The following RXFP1 variants were observed in gnomAD, a reference collection of about 807,000 sequenced individuals.
The protein encoded by RXFP1 is relaxin family peptide receptor 1.
A neutral mutation model predicts 89.8 loss-of-function variants in RXFP1; 73 were observed. The observed-to-expected ratio is 0.81, with a 90% confidence interval of 0.67 to 0.99. The LOEUF is 0.99. Among genes scored for constraint, RXFP1 ranks in the 50% least tolerant of loss-of-function variants. RXFP1 has a pLI of 0.00. For missense variants in RXFP1, 793 were observed against 895.5 expected (o/e 0.89, Z 1.46); for synonymous variants, 277 against 305.5 (o/e 0.91, Z 0.97).
At chr4:158,546,918 G>T (rs929157403) in intron 1 of RXFP1, among the ~76,000 whole-genome samples, 32 of 151,864 alleles carry the variant, frequency 2.1e-4, no homozygotes, top group Admixed American at 5.9e-4. Context: ...CTCTTTTTTG[G>T]TTGTGTCTCT....
intron 1 of RXFP1, among the ~76,000 whole-genome samples, chr4:158,549,491 T>A (rs1749508254): frequency 6.6e-6 from 1 of 152,234 alleles, no homozygotes; most frequent in Non-Finnish European, 1.5e-5. Flanking sequence ...CCGTTGCTAG[T>A]GAGGAGCTGC....
intron 13 of RXFP1, 46 bp downstream of exon 13, chr4:158,638,125 T>A (rs1198353552): frequency 6.5e-6 from 7 of 1,073,820 alleles, no homozygotes; most frequent in African/African-American, 1.6e-5. Flanking sequence ...AATTGTTTTT[T>A]AAATACTAAC....
intron 15 of RXFP1, chr4:158,646,546 C>T: frequency 7.6e-7 from 1 of 1,315,474 alleles, no homozygotes. Context: ...GAGACTTGCA[C>T]TTTAAAGGAA....
rs1411454612 is a variant in RXFP1 at position 158,646,724 on chromosome 4, A to G, written c.1346-67A>G. 7 of 1,487,184 alleles carry G rather than the reference A, an allele frequency of 4.7e-6. No individual in the cohort carries two copies. In the East Asian group the frequency reaches 1.6e-4, roughly 34 times the overall value. The allele number at this position is 1,487,184 out of a possible 1,614,324, so 92.1% of individuals were successfully genotyped here. ...TATTTTTTCTAGCATTAAAAATATT[A>G]TTGCTTATTGATGATTTTATGATAC... On this transcript the variant is annotated intron_variant, in intron 15 of 17. Transcript: ENST00000307765.
At chr4:158,581,841 G>T (rs1757421127) in intron 2 of RXFP1, among the ~76,000 whole-genome samples, 1 of 152,186 alleles carries the variant, frequency 6.6e-6, no homozygotes, top group Admixed American at 6.5e-5. Flanking sequence ...TGGTTCTGCA[G>T]ACTTTCCAAA....
intron 3 of RXFP1, among the ~76,000 whole-genome samples, chr4:158,596,976 TA>T (rs563417950): frequency 3.9e-5 from 6 of 152,160 alleles, no homozygotes; most frequent in South Asian, 2.1e-4. Flanking sequence ...AATGCTGTAT[TA>T]AAAAAAAGTA....
chr4:158,629,765 C>G (rs1172731400), intron 11 of RXFP1, among the ~76,000 whole-genome samples: 1 of 152,022 alleles, frequency 6.6e-6, no homozygotes, highest in Non-Finnish European at 1.5e-5. Context: ...GTAGCTACGA[C>G]TATAGCACAC....
intron 1 of RXFP1, among the ~76,000 whole-genome samples, chr4:158,538,244 A>C (rs1055403331): frequency 1.3e-5 from 2 of 152,204 alleles, no homozygotes; most frequent in African/African-American, 4.8e-5. Flanking sequence ...TTTAATTTTG[A>C]AAGATCCCTC....
intron 1 of RXFP1, among the ~76,000 whole-genome samples, chr4:158,542,110 T>TATA (rs56793848): frequency 2.2e-4 from 3 of 13,700 alleles, no homozygotes; most frequent in African/African-American, 3.2e-4. Context: ...TATATATATA[T>TATA]TTTTTTTTTA....
chr4:158,531,408 ACT>A (rs1424699638), intron 1 of RXFP1, among the ~76,000 whole-genome samples: 1 of 151,590 alleles, frequency 6.6e-6, no homozygotes. Flanking sequence ...TCCTCCAATC[ACT>A]CAGCCCCTCA....
chr4:158,556,498 T>A lies in RXFP1; in HGVS notation c.50-16200T>A, dbSNP rs371973158. Among the ~76,000 whole-genome samples, 57 of 152,256 alleles carry A rather than the reference T, an allele frequency of 3.7e-4. No individual in the cohort carries two copies. The East Asian group carries it at 4.2e-3, about 11-fold the overall frequency. On this transcript the variant is annotated intron_variant, in intron 1 of 17. Coordinates refer to ENST00000307765, the MANE Select transcript of RXFP1 (RefSeq NM_021634.4). ...AATTAGTGCAGCCATTATGGAAAAC[T>A]ATGGAGATTCCTCAAAACATTAAAA...
At chr4:158,592,513 G>T (rs1759698674) in intron 2 of RXFP1, among the ~76,000 whole-genome samples, 1 of 152,198 alleles carries the variant, frequency 6.6e-6, no homozygotes, top group South Asian at 2.1e-4. Context: ...CACAGAGGTT[G>T]CAGTGAGCCA....
chr4:158,599,218 C>T, intron 3 of RXFP1, 108 bp from the exon 4 acceptor site: 1 of 1,548,334 alleles, frequency 6.5e-7, no homozygotes. Context: ...ACATGATATG[C>T]TTTTGTACTA....
intron 1 of RXFP1, among the ~76,000 whole-genome samples, chr4:158,533,920 A>G (rs768428336): frequency 2.0e-5 from 3 of 152,364 alleles, no homozygotes; most frequent in Non-Finnish European, 2.9e-5. Context: ...ACATCAATGT[A>G]TAAAAATATT....
chr4:158,643,845 T>C (rs1266783244), intron 14 of RXFP1, among the ~76,000 whole-genome samples: 1 of 152,112 alleles, frequency 6.6e-6, no homozygotes, highest in Non-Finnish European at 1.5e-5. Context: ...CCTATACTAA[T>C]TTACATTCCC....
Position 158,652,887 on chromosome 4 carries a change from C to CA in RXFP1, c.*837dup, listed in dbSNP as rs1461387708. 2 of 152,194 alleles carry CA rather than the reference C, an allele frequency of 1.3e-5. No homozygotes were observed. Among genetic ancestry groups the CA allele is most frequent in the Non-Finnish European group, 2.9e-5 (2 of 68,014 alleles). The allele number at this position is 152,194 out of a possible 1,614,324, so 9.4% of individuals were successfully genotyped here. A position where few individuals can be genotyped will look rare whatever the true frequency, so the allele number is the denominator to read the frequency against. Reference sequence around the variant, plus strand: ...CTGATTTTCAACAAGGATGCCAAGACAAAAAGGCTTTTCAACAAACCGTGC... The same window carrying CA: ...CTGATTTTCAACAAGGATGCCAAGACAAAAAAGGCTTTTCAACAAACCGTGC... On this transcript the variant is annotated 3_prime_UTR_variant, in exon 18 of 18. Coordinates refer to ENST00000307765, the MANE Select transcript of RXFP1 (RefSeq NM_021634.4).
At chr4:158,549,470 C>T (rs990749987) in intron 1 of RXFP1, among the ~76,000 whole-genome samples, 1 of 152,222 alleles carries the variant, frequency 6.6e-6, no homozygotes, top group Non-Finnish European at 1.5e-5. Context: ...CATTTTCCGT[C>T]CGGCTTTGTT....
chr4:158,593,623 C>T, intron 3 of RXFP1, 124 bp downstream of exon 3: 1 of 560,448 alleles, frequency 1.8e-6, no homozygotes, highest in Non-Finnish European at 3.0e-6. Flanking sequence ...ATTAAAGAAA[C>T]TTAAAAATTC....
chr4:158,563,972 ATG>A (rs1475652808), intron 1 of RXFP1, among the ~76,000 whole-genome samples: 5 of 148,570 alleles, frequency 3.4e-5, no homozygotes, highest in Non-Finnish European at 6.0e-5. Flanking sequence ...TATATAACAT[ATG>A]TATATATAAA....
Sources: gnomAD v4.1 joint callset for allele counts (sites outside exome capture counted in the v4.1 genomes callset) on GRCh38, gnomAD v4.1.1 for gene constraint, MANE v1.5 for transcripts, NCBI Gene and HGNC (gene_info 2026-07-23, HGNC 2026-07-21) for gene names.